The following PASK variants were observed in gnomAD, a reference collection of about 807,000 sequenced individuals.
The protein encoded by PASK is PAS domain containing serine/threonine kinase.
A neutral mutation model predicts 121.0 loss-of-function variants in PASK; 110 were observed. The observed-to-expected ratio is 0.91, with a 90% CI of 0.78 to 1.06. PASK has a LOEUF of 1.06. Ranked by LOEUF, PASK falls within the 50% of genes least tolerant of loss-of-function variation. PASK has a pLI of 0.00. For synonymous variants in PASK, 686 were observed against 717.8 expected, an observed-to-expected ratio of 0.96 and a Z score of 0.71; for missense variants, 1,643 against 1,702.3, an observed-to-expected ratio of 0.97 and a Z score of 0.61.
At chr2:241,107,207 G>A (rs950292327) in intron 17 of PASK, 146 bp downstream of exon 17, 2 of 785,204 alleles carry the variant, frequency 2.5e-6, no homozygotes, top group African/African-American at 1.7e-5. Flanking sequence ...ACAGGTGACA[G>A]GTCAGCTATA....
Position 241,112,094 on chromosome 2 carries a change from C to A in PASK, c.3533+146G>T, listed in dbSNP as rs1575227980. 2.8e-6 allele frequency: 2 copies of A among 715,870 alleles called. No homozygotes were observed. The highest frequency in any genetic ancestry group is 2.7e-5 in the East Asian group (1 of 37,330). The allele number at this position is 715,870 out of a possible 1,614,324, so 44.3% of individuals were successfully genotyped here. A position where few individuals can be genotyped will look rare whatever the true frequency, so the allele number is the denominator to read the frequency against. On this transcript the variant is annotated intron_variant, in intron 15 of 17. Coordinates refer to ENST00000234040, the MANE Select transcript of PASK (RefSeq NM_015148.4). The surrounding 1 kb of genome is among the most constrained non-coding windows in gnomAD (Gnocchi z 5.2). ...CCCAATATGACCTTGCCTGCCTGCC[C>A]ACTTACTTTCCAGCATATCACCCTG... is the stretch of plus-strand genomic sequence containing the variant.
At chr2:241,125,609 GA>G (rs11353969) in intron 10 of PASK, among the ~76,000 whole-genome samples, 63,217 of 118,844 alleles carry the variant, frequency 0.53, 15,633 homozygotes, top group African/African-American at 0.75. Flanking sequence ...CAAAAAAAAA[GA>G]AAAAAAAAAA....
At chr2:241,113,705 G>T in intron 14 of PASK, 1 of 984,754 alleles carries the variant, frequency 1.0e-6, no homozygotes. Context: ...GCTAAAGAGC[G>T]ACTTGAAGAA....
rs1165503215 is a variant in PASK, at chr2:241,126,862, T to G, written c.2053A>C (p.Thr685Pro). 1 of 1,612,848 alleles carries G rather than the reference T, an allele frequency of 6.2e-7. No homozygotes were observed. The change falls in exon 10 of 18, where the codon ACA (threonine) becomes CCA (proline). Residue 685 changes from threonine to proline, a missense_variant. Coordinates refer to ENST00000234040, the MANE Select transcript of PASK (RefSeq NM_015148.4). ...GGAGCGGTGACAGCCTGGCACTCTG[T>G]CGGAACGAGTTCGGCGTGGGGGACA... ...LDVPHAELVP[T>P]ECQAVTAPVS...
In PASK at chr2:241,132,998, G is replaced by A; in HGVS notation, c.1339C>T (p.His447Tyr). Residue 447 changes from histidine to tyrosine, a missense_variant, in exon 9 of 18, where the codon CAC (histidine) becomes TAC (tyrosine). By Grantham distance (83) the His-to-Tyr change is moderately conservative (BLOSUM62 2). Around this residue, in one of 3 missense-constraint regions of PASK, gnomAD observed 1,176 missense variants for 1,162.2 expected, o/e 1.01. Transcript: ENST00000234040. ...PRINVVLAGG[H>Y]VVPRDEIRKL... ...CGGATCTCATCTCGGGGCACAACGTGGCCACCAGCAAGCACGACATTAATC... is the reference window on the plus strand; with the variant it reads ...CGGATCTCATCTCGGGGCACAACGTAGCCACCAGCAAGCACGACATTAATC... 6.2e-7 allele frequency: 1 copy of A among 1,614,048 alleles called. No individual in the cohort carries two copies. Among genetic ancestry groups the A allele is most frequent in the South Asian group, 1.1e-5 (1 of 91,076 alleles).
At chr2:241,123,839 A>C in intron 11 of PASK, 110 bp downstream of exon 11, 1 of 902,710 alleles carries the variant, frequency 1.1e-6, no homozygotes, top group Admixed American at 2.2e-5. Flanking sequence ...AAAAAAAGCT[A>C]CAAACAGACT....
At position 241,112,109 on chromosome 2, in the gene PASK, A is replaced by G. The variant is rs756130153; in HGVS notation, c.3533+131T>C. 7.9e-6 allele frequency: 6 copies of G among 761,008 alleles called. No individual in the cohort carries two copies. Among genetic ancestry groups the G allele is most frequent in the East Asian group, 2.6e-5 (1 of 38,154 alleles). 47.1% of individuals were successfully genotyped at this position (761,008 alleles called of 1,614,324 possible). A position where few individuals can be genotyped will look rare whatever the true frequency, so the allele number is the denominator to read the frequency against. On this transcript the variant is annotated intron_variant, in intron 15 of 17. Transcript: ENST00000234040. This position sits in a 1 kb window ranked among gnomAD's most constrained non-coding sequence, Gnocchi z 5.2. ...CCTGCCTGCCCACTTACTTTCCAGC[A>G]TATCACCCTGACCACTCAACACTCA...
Position 241,124,039 on chromosome 2 carries a change from G to C in PASK, c.2814C>G (p.Asp938Glu), listed in dbSNP as rs753495000. The C allele has an allele frequency of 1.2e-6, 2 of 1,613,732 alleles. No homozygotes were observed. The highest frequency in any genetic ancestry group is 3.3e-5 in the Admixed American group (2 of 60,026). ...GGAACAGGCGGGTCCTGGCGGCTGA[G>C]TCGCGTTGGCTGTGGAGGAGGTCTT... ...LVKDLLHSQR[D>E]SAARTRLFLA... The change falls in exon 11 of 18, where the codon GAC becomes GAG. Residue 938 changes from aspartate (D) to glutamate (E), a missense_variant. Transcript: ENST00000234040.
At chr2:241,114,919 C>A (rs1320070251) in intron 14 of PASK, 124 bp downstream of exon 14, 1 of 1,575,056 alleles carries the variant, frequency 6.3e-7, no homozygotes, top group Non-Finnish European at 8.6e-7. Context: ...TCCATGAAAT[C>A]CCCACACAGA....
At chr2:241,144,862 C>A (rs2066882031) in intron 1 of PASK, among the ~76,000 whole-genome samples, 1 of 152,224 alleles carries the variant, frequency 6.6e-6, no homozygotes, top group Admixed American at 6.5e-5. Flanking sequence ...TCTTGACCTG[C>A]AGCTGCGTCA....
chr2:241,127,992 C>G (rs941998400), intron 9 of PASK, among the ~76,000 whole-genome samples: 2 of 152,200 alleles, frequency 1.3e-5, no homozygotes, highest in Non-Finnish European at 1.5e-5. Flanking sequence ...GGGCCAGGGG[C>G]CAGGGGGCCG....
intron 9 of PASK, among the ~76,000 whole-genome samples, chr2:241,131,236 C>T (rs1202708156): frequency 1.3e-5 from 2 of 151,840 alleles, no homozygotes; most frequent in Non-Finnish European, 2.9e-5. Context: ...GCAAGCTCCG[C>T]CTCCCAGGTT....
chr2:241,126,087 C>G, intron 10 of PASK, 109 bp downstream of exon 10: 1 of 922,274 alleles, frequency 1.1e-6, no homozygotes, highest in Non-Finnish European at 1.8e-6. Flanking sequence ...TCTGCTAACA[C>G]TATTCCAGGG....
At position 241,112,054 on chromosome 2, in the gene PASK, C is replaced by T. The variant is rs2065132750; in HGVS notation, c.3533+186G>A. On this transcript the variant is annotated intron_variant, in intron 15 of 17. Coordinates refer to ENST00000234040, the MANE Select transcript of PASK (RefSeq NM_015148.4). The surrounding 1 kb of genome is among the most constrained non-coding windows in gnomAD (Gnocchi z 5.2). ...TAAAATTATTAACTCCTATATCCAT[C>T]GCCCAGTGCCTTTGCCCAATATGAC... is the stretch of plus-strand genomic sequence containing the variant. Among the ~76,000 whole-genome samples the T allele has an allele frequency of 6.6e-6, 1 of 152,108 alleles. No homozygotes were observed.
rs144530550 is a variant in PASK, at chr2:241,112,687, C to T, written c.3334-248G>A. Reference sequence around the variant, plus strand: ...GCAAGGTGGCAACATCAATGAGACTCGTGAGTTCTGTTTGCTGCTGAGAAA... The same window carrying T: ...GCAAGGTGGCAACATCAATGAGACTTGTGAGTTCTGTTTGCTGCTGAGAAA... On this transcript the variant is annotated intron_variant, in intron 14 of 17. Transcript: ENST00000234040. The surrounding 1 kb of genome is among the most constrained non-coding windows in gnomAD (Gnocchi z 5.2). The T allele has an allele frequency of 1.6e-4, 76 of 467,960 alleles. 2 individuals are homozygous for T. Among genetic ancestry groups the T allele is most frequent in the African/African-American group, 1.1e-3 (54 of 50,738 alleles). The allele number at this position is 467,960 out of a possible 1,614,324, so 29.0% of individuals were successfully genotyped here. A position where few individuals can be genotyped will look rare whatever the true frequency, so the allele number is the denominator to read the frequency against.
chr2:241,122,273 A>G lies in PASK; in HGVS notation c.3072+459T>C, dbSNP rs541829553. 3.0e-3 allele frequency among the ~76,000 whole-genome samples: 459 copies of G among 152,330 alleles called. 3 individuals are homozygous for G. The highest frequency in any genetic ancestry group is 0.011 in the African/African-American group (437 of 41,594). On this transcript the variant is annotated intron_variant, in intron 12 of 17. Transcript: ENST00000234040. ...AAAAAATTTTTTATAATAAGAGAAA[A>G]GTCACAAGATTGAAAATAGATTATA...
chr2:241,132,740 AG>A (rs1284424963), intron 9 of PASK, 133 bp downstream of exon 9: 1 of 762,836 alleles, frequency 1.3e-6, no homozygotes, highest in Non-Finnish European at 2.3e-6. Flanking sequence ...GGAAGAGAGC[AG>A]GTGCTCAACA....
intron 12 of PASK, among the ~76,000 whole-genome samples, chr2:241,116,827 G>T (rs934748406): frequency 6.6e-6 from 1 of 152,244 alleles, no homozygotes; most frequent in African/African-American, 2.4e-5. Flanking sequence ...CCAACCACAG[G>T]ATGGGCCTGT....
intron 2 of PASK, among the ~76,000 whole-genome samples, chr2:241,141,692 G>A (rs907960939): frequency 6.6e-6 from 1 of 152,136 alleles, no homozygotes; most frequent in African/African-American, 2.4e-5. Context: ...CATCTCTGGA[G>A]ACACCAGATA....
Sources: gnomAD v4.1 joint callset for allele counts (sites outside exome capture counted in the v4.1 genomes callset) on GRCh38, gnomAD v4.1.1 for gene constraint, gnomAD v4.1.1 regional missense constraint, Gnocchi (gnomAD v3.1) non-coding constraint, MANE v1.5 for transcripts, NCBI Gene and HGNC (gene_info 2026-07-23, HGNC 2026-07-21) for gene names.